Variants in SEMA3E observed in about 807,000 individuals in gnomAD.
The protein encoded by SEMA3E is semaphorin-3E.
Under a neutral mutation model 93.6 loss-of-function variants are expected in SEMA3E, and 49 were observed. The observed-to-expected ratio is 0.52, with a 90% CI of 0.42 to 0.66. The LOEUF is 0.66. Among genes scored for constraint, SEMA3E ranks in the 30% least tolerant of loss-of-function variants. The pLI, the probability that SEMA3E is intolerant of heterozygous loss-of-function variation, is 0.00. For missense variants in SEMA3E, 906 were observed against 964.8 expected (o/e 0.94, Z 0.81); for synonymous variants, 363 against 330.7 (o/e 1.10, Z -1.06).
rs3757611 is a variant in SEMA3E, at chr7:83,550,129, C to G, written c.116-59855G>C. 2.9e-3 allele frequency among the ~76,000 whole-genome samples: 439 copies of G among 152,200 alleles called. 13 individuals are homozygous for G. The East Asian group carries it at 0.045, about 15-fold the overall frequency. The stretch of plus-strand genomic sequence containing the variant: ...GTAAGCCAAGAAAATCAACTGTCTT[C>G]ATTCATCTAATCTGCTTCGATATTA... On this transcript the variant is annotated intron_variant, in intron 1 of 16. Transcript: ENST00000643230.
intron 1 of SEMA3E, among the ~76,000 whole-genome samples, chr7:83,623,001 TA>T (rs1322278802): frequency 1.3e-5 from 2 of 151,930 alleles, no homozygotes; most frequent in Non-Finnish European, 2.9e-5. Context: ...AGTTGATAAA[TA>T]AATAAAAAAA....
intron 11 of SEMA3E, 102 bp downstream of exon 11, chr7:83,399,926 C>T (rs1788204150): frequency 3.2e-6 from 3 of 949,778 alleles, no homozygotes; most frequent in South Asian, 1.3e-5. Context: ...AATTGTTTAA[C>T]AGATGGACAG....
chr7:83,632,335 G>A (rs570504262), intron 1 of SEMA3E, among the ~76,000 whole-genome samples: 16 of 152,220 alleles, frequency 1.1e-4, no homozygotes, highest in Admixed American at 3.3e-4. Context: ...TGACAAAAGA[G>A]CATGATAACT....
At chr7:83,600,826 G>A (rs1792980012) in intron 1 of SEMA3E, among the ~76,000 whole-genome samples, 1 of 152,062 alleles carries the variant, frequency 6.6e-6, no homozygotes, top group South Asian at 2.1e-4. Flanking sequence ...GTACTAAGTG[G>A]CAATTACTTA....
chr7:83,558,202 G>C (rs1791959792), intron 1 of SEMA3E, among the ~76,000 whole-genome samples: 1 of 152,096 alleles, frequency 6.6e-6, no homozygotes, highest in South Asian at 2.1e-4. Context: ...AACTAGAGAT[G>C]TATATATATT....
intron 1 of SEMA3E, among the ~76,000 whole-genome samples, chr7:83,550,672 T>C (rs948510307): frequency 3.3e-5 from 5 of 152,138 alleles, no homozygotes; most frequent in African/African-American, 1.2e-4. Context: ...TCTTACTCTA[T>C]TATTGTATCC....
At chr7:83,552,688 T>C (rs1791790094) in intron 1 of SEMA3E, among the ~76,000 whole-genome samples, 1 of 152,112 alleles carries the variant, frequency 6.6e-6, no homozygotes, top group South Asian at 2.1e-4. Flanking sequence ...ATCTGTCTTA[T>C]GCGGTTGAGA....
At chr7:83,432,460 G>A (rs1788906785) in intron 4 of SEMA3E, among the ~76,000 whole-genome samples, 1 of 152,120 alleles carries the variant, frequency 6.6e-6, no homozygotes, top group Admixed American at 6.6e-5. Flanking sequence ...CTCACACTTT[G>A]CTAATAAAAG....
At chr7:83,473,511 G>T (rs1271836345) in intron 2 of SEMA3E, among the ~76,000 whole-genome samples, 1 of 152,176 alleles carries the variant, frequency 6.6e-6, no homozygotes, top group Non-Finnish European at 1.5e-5. Flanking sequence ...ATTAGATGTT[G>T]CTGATTGGCG....
chr7:83,592,816 T>G (rs2115951471), intron 1 of SEMA3E, among the ~76,000 whole-genome samples: 1 of 152,206 alleles, frequency 6.6e-6, no homozygotes, highest in East Asian at 1.9e-4. Flanking sequence ...GAGAGAAAGG[T>G]GTCTTGGAGG....
At chr7:83,646,110 C>A (rs888145797) in intron 1 of SEMA3E, among the ~76,000 whole-genome samples, 1 of 151,890 alleles carries the variant, frequency 6.6e-6, no homozygotes, top group Non-Finnish European at 1.5e-5. Context: ...GGTCAGGCAG[C>A]GGTACAGAGA....
rs778540320 is a variant in SEMA3E at position 83,640,167 on chromosome 7, GTTC to G, written c.115+8258_115+8260del. 1.7e-4 allele frequency among the ~76,000 whole-genome samples: 26 copies of G among 152,162 alleles called. 1 individual carries two copies. The South Asian group carries it at 5.2e-3, about 30-fold the overall frequency. ...TTTTATTCTCATTTTCTTTGCTGCT[GTTC>G]TTTTCCGGTTCTGAAGTTGATCTGG... On this transcript the variant is annotated intron_variant, in intron 1 of 16. Transcript: ENST00000643230.
intron 4 of SEMA3E, among the ~76,000 whole-genome samples, chr7:83,421,933 T>A (rs568655900): frequency 3.2e-4 from 48 of 152,294 alleles, no homozygotes; most frequent in African/African-American, 1.1e-3. Flanking sequence ...ATCCCAGCAC[T>A]TTGGGAGGCC....
chr7:83,637,391 A>C (rs964180313), intron 1 of SEMA3E, among the ~76,000 whole-genome samples: 5 of 152,114 alleles, frequency 3.3e-5, no homozygotes, highest in African/African-American at 9.7e-5. Context: ...AAATACTTAT[A>C]AATGATTTAA....
chr7:83,539,839 T>A (rs1450399850), intron 1 of SEMA3E, among the ~76,000 whole-genome samples: 1 of 121,060 alleles, frequency 8.3e-6, no homozygotes, highest in Admixed American at 8.9e-5. Flanking sequence ...AACTTTTTTG[T>A]TTTGTTTTGT....
intron 4 of SEMA3E, among the ~76,000 whole-genome samples, chr7:83,454,271 AAAT>A (rs1451818572): frequency 2.0e-3 from 208 of 102,842 alleles, no homozygotes; most frequent in South Asian, 0.01. Context: ...AAAAAAAAAA[AAAT>A]ATATATATAT....
At chr7:83,554,868 T>C (rs1791851764) in intron 1 of SEMA3E, among the ~76,000 whole-genome samples, 1 of 151,844 alleles carries the variant, frequency 6.6e-6, no homozygotes, top group Admixed American at 6.6e-5. Flanking sequence ...TCCCAGCTAC[T>C]AGGGAGGTAG....
At chr7:83,494,376 G>A (rs1169886003) in intron 1 of SEMA3E, among the ~76,000 whole-genome samples, 2 of 151,580 alleles carry the variant, frequency 1.3e-5, no homozygotes, top group Admixed American at 6.6e-5. Context: ...TAGGTATACC[G>A]AAAAATACTA....
At chr7:83,629,189 G>C (rs1056496699) in intron 1 of SEMA3E, among the ~76,000 whole-genome samples, 4 of 152,192 alleles carry the variant, frequency 2.6e-5, no homozygotes, top group African/African-American at 9.6e-5. Context: ...AGCTTCATCT[G>C]AGAGGGGCAC....
Sources: allele counts gnomAD v4.1 joint callset (sites outside exome capture counted in the v4.1 genomes callset), GRCh38; gene constraint gnomAD v4.1.1; transcripts MANE v1.5; gene names NCBI Gene and HGNC (gene_info 2026-07-23, HGNC 2026-07-21).